Variants in NAALADL2 observed in about 807,000 individuals in gnomAD.
NAALADL2 encodes inactive N-acetylated-alpha-linked acidic dipeptidase-like protein 2.
A neutral mutation model predicts 87.2 loss-of-function variants in NAALADL2; 76 were observed. That is an observed-to-expected ratio of 0.87 (90% confidence interval 0.72 to 1.05). The LOEUF is 1.05. NAALADL2 is among the 50% of genes least tolerant of loss of function. The pLI is 0.00. For missense variants in NAALADL2, 1,089 were observed against 945.8 expected (o/e 1.15, Z -1.99); for synonymous variants, 354 against 331.0 (o/e 1.07, Z -0.75).
chr3:174,814,326 C>G (rs1164594299), intron 3 of NAALADL2, among the ~76,000 whole-genome samples: 2 of 152,048 alleles, frequency 1.3e-5, no homozygotes, highest in Non-Finnish European at 2.9e-5. Context: ...CCAGGATGGT[C>G]TCAATCTCCT....
At chr3:175,654,224 A>G (rs1259985053) in intron 11 of NAALADL2, among the ~76,000 whole-genome samples, 2 of 151,978 alleles carry the variant, frequency 1.3e-5, no homozygotes, top group Non-Finnish European at 1.5e-5. Flanking sequence ...CTTACTAATG[A>G]GTGTTTTTGT....
At chr3:175,084,949 T>C (rs908940201) in intron 1 of NAALADL2, among the ~76,000 whole-genome samples, 3 of 152,132 alleles carry the variant, frequency 2.0e-5, no homozygotes, top group Admixed American at 1.3e-4. Context: ...AATGTGTGAG[T>C]TCATATCTTC....
chr3:175,565,866 G>A (rs531362295), intron 9 of NAALADL2, among the ~76,000 whole-genome samples: 4 of 111,224 alleles, frequency 3.6e-5, no homozygotes, highest in Non-Finnish European at 6.6e-5. Context: ...ATCTCACTCT[G>A]TCCCCCAGGC....
chr3:175,483,288 A>G (rs1460300843), intron 9 of NAALADL2, among the ~76,000 whole-genome samples: 1 of 151,144 alleles, frequency 6.6e-6, no homozygotes, highest in Non-Finnish European at 1.5e-5. Flanking sequence ...TGTGCCAGGC[A>G]TAAAACAGAT....
chr3:175,642,499 C>CTTTTTTTTTTTTTTTTTTTTT (rs1206070195), intron 11 of NAALADL2, among the ~76,000 whole-genome samples: 2 of 141,404 alleles, frequency 1.4e-5, no homozygotes, highest in Non-Finnish European at 1.5e-5. Flanking sequence ...TCACCCAAAT[C>CTTTTTTTTTTTTTTTTTTTTT]TTTTTTTTTT....
intron 2 of NAALADL2, among the ~76,000 whole-genome samples, chr3:174,602,482 A>G (rs980591803): frequency 6.6e-5 from 10 of 152,140 alleles, no homozygotes; most frequent in African/African-American, 1.4e-4. Flanking sequence ...ACTTTACTGA[A>G]TTTGTTTATC....
intron 4 of NAALADL2, among the ~76,000 whole-genome samples, chr3:175,303,042 T>C (rs1459019067): frequency 1.3e-5 from 2 of 152,124 alleles, no homozygotes; most frequent in African/African-American, 2.4e-5. Context: ...TTTGTAGATA[T>C]GGTTTTAGGT....
intron 1 of NAALADL2, among the ~76,000 whole-genome samples, chr3:174,999,599 A>G (rs750275406): frequency 6.6e-6 from 1 of 152,212 alleles, no homozygotes; most frequent in Non-Finnish European, 1.5e-5. Context: ...AGCTTTATCA[A>G]AATAGCAAAG....
intron 5 of NAALADL2, among the ~76,000 whole-genome samples, chr3:175,376,164 GA>G (rs1159470865): frequency 7.3e-5 from 11 of 151,706 alleles, no homozygotes; most frequent in African/African-American, 2.7e-4. Context: ...GAAACTGAAA[GA>G]AAAAAAGTAT....
chr3:175,657,486 C>T (rs1211159340), intron 11 of NAALADL2, among the ~76,000 whole-genome samples: 1 of 151,292 alleles, frequency 6.6e-6, no homozygotes, highest in East Asian at 1.9e-4. Context: ...TTCATCTAAA[C>T]AGAAGAAAAT....
At chr3:175,278,985 A>G (rs1753939241) in intron 4 of NAALADL2, among the ~76,000 whole-genome samples, 1 of 152,196 alleles carries the variant, frequency 6.6e-6, no homozygotes, top group Non-Finnish European at 1.5e-5. Flanking sequence ...ATAGGTCTAC[A>G]TTCTAGATGA....
intron 1 of NAALADL2, among the ~76,000 whole-genome samples, chr3:174,894,660 A>T (rs1236600918): frequency 6.8e-6 from 1 of 146,528 alleles, no homozygotes; most frequent in Non-Finnish European, 1.5e-5. Flanking sequence ...AAGAAACATC[A>T]GGTGTAATCT....
intron 11 of NAALADL2, among the ~76,000 whole-genome samples, chr3:175,637,029 G>C (rs1728655561): frequency 6.6e-6 from 1 of 152,150 alleles, no homozygotes; most frequent in Non-Finnish European, 1.5e-5. Flanking sequence ...AGAACAAGTG[G>C]TCATTAATTC....
At chr3:174,478,870 C>G (rs1364664290) in intron 1 of NAALADL2, among the ~76,000 whole-genome samples, 1 of 152,112 alleles carries the variant, frequency 6.6e-6, no homozygotes, top group East Asian at 1.9e-4. Context: ...TGCCACCACA[C>G]CCAGCTAATT....
intron 11 of NAALADL2, among the ~76,000 whole-genome samples, chr3:175,631,767 G>A (rs938809749): frequency 1.3e-4 from 19 of 151,910 alleles, no homozygotes; most frequent in Admixed American, 1.2e-3. Context: ...ATCCTTTAAT[G>A]AGTGATTAAA....
intron 2 of NAALADL2, among the ~76,000 whole-genome samples, chr3:175,204,389 C>A (rs141642963): frequency 1.3e-5 from 2 of 152,238 alleles, no homozygotes; most frequent in African/African-American, 2.4e-5. Context: ...TTCACAATAT[C>A]CAGCATCACT....
At chr3:175,716,543 A>T (rs1294511635) in intron 11 of NAALADL2, among the ~76,000 whole-genome samples, 2 of 152,058 alleles carry the variant, frequency 1.3e-5, no homozygotes, top group Non-Finnish European at 2.9e-5. Flanking sequence ...AGAATGAGTC[A>T]GCTCTACAAA....
intron 1 of NAALADL2, among the ~76,000 whole-genome samples, chr3:174,875,869 T>A (rs1188590177): frequency 6.6e-6 from 1 of 152,040 alleles, no homozygotes; most frequent in Non-Finnish European, 1.5e-5. Flanking sequence ...AATCTGAGAG[T>A]GATAAATGCT....
chr3:174,895,591 A>G (rs952764378), intron 1 of NAALADL2, among the ~76,000 whole-genome samples: 1 of 152,194 alleles, frequency 6.6e-6, no homozygotes, highest in African/African-American at 2.4e-5. Context: ...GCTGAATTTT[A>G]CCAAATATTT....
Sources: gnomAD v4.1 joint callset for allele counts (sites outside exome capture counted in the v4.1 genomes callset) on GRCh38, gnomAD v4.1.1 for gene constraint, MANE v1.5 for transcripts, NCBI Gene and HGNC (gene_info 2026-07-23, HGNC 2026-07-21) for gene names.